Variants in STON2 observed in about 807,000 individuals in gnomAD.
The protein encoded by STON2 is stonin 2.
Under a neutral mutation model 65.7 loss-of-function variants are expected in STON2, and 29 were observed. The observed-to-expected ratio is 0.44, with a 90% CI of 0.33 to 0.60. The LOEUF (loss-of-function observed/expected upper bound fraction) is 0.60. STON2 is among the 20% of genes least tolerant of loss of function. STON2 has a pLI of 0.03. For synonymous variants in STON2, 404 were observed against 414.2 expected, an observed-to-expected ratio of 0.98 and a Z score of 0.30; for missense variants, 1,054 against 1,118.1, an observed-to-expected ratio of 0.94 and a Z score of 0.82.
chr14:81,394,679 A>T (rs1220298051), intron 3 of STON2, among the ~76,000 whole-genome samples: 1 of 152,180 alleles, frequency 6.6e-6, no homozygotes, highest in Non-Finnish European at 1.5e-5. Flanking sequence ...TGACTTCAGA[A>T]GAAAGGCACA....
chr14:81,261,682 C>A lies in STON2; in HGVS notation c.*6732G>T. ...AATATATATATACCTCATTGATTAT[C>A]CTATCATCCCCAGTACTTGGAGGGT... On this transcript the variant is annotated 3_prime_UTR_variant, in exon 8 of 8. Coordinates refer to ENST00000614646, the MANE Select transcript of STON2 (RefSeq NM_001394390.1). 1 of 1,120,232 alleles carries A rather than the reference C, an allele frequency of 8.9e-7. No homozygotes were observed. The highest frequency in any genetic ancestry group is 1.6e-5 in the African/African-American group (1 of 63,522). 69.4% of individuals were successfully genotyped at this position (1,120,232 alleles called of 1,614,324 possible). A position where few individuals can be genotyped will look rare whatever the true frequency, so the allele number is the denominator to read the frequency against.
intron 2 of STON2, among the ~76,000 whole-genome samples, chr14:81,416,223 G>C (rs553739853): frequency 6.6e-6 from 1 of 152,272 alleles, no homozygotes; most frequent in South Asian, 2.1e-4. Flanking sequence ...AATAATAAGC[G>C]CTCAGTCAAT....
chr14:81,340,095 A>C (rs1234783034), intron 4 of STON2, among the ~76,000 whole-genome samples: 1 of 152,230 alleles, frequency 6.6e-6, no homozygotes, highest in African/African-American at 2.4e-5. Context: ...TGGAGCCTGC[A>C]GTAAGCCCAG....
chr14:81,388,383 T>A (rs542946527), intron 3 of STON2, among the ~76,000 whole-genome samples: 72 of 152,320 alleles, frequency 4.7e-4, no homozygotes, highest in African/African-American at 1.7e-3. Context: ...ATTTAAGCAT[T>A]TCTGGAGTTG....
chr14:81,332,407 G>A (rs1334081833), intron 4 of STON2, among the ~76,000 whole-genome samples: 3 of 152,068 alleles, frequency 2.0e-5, no homozygotes, highest in Non-Finnish European at 2.9e-5. Flanking sequence ...CCTTTGAACC[G>A]GCAAAGAAAC....
chr14:81,280,836 C>T (rs1167667529), intron 5 of STON2, among the ~76,000 whole-genome samples: 2 of 151,872 alleles, frequency 1.3e-5, no homozygotes, highest in Non-Finnish European at 2.9e-5. Context: ...AATGGTGAAA[C>T]CCTGTCTCTA....
In STON2 at chr14:81,389,857, T is replaced by C. The variant is rs539875442; in HGVS notation, c.373+6037A>G. 1.6e-3 allele frequency among the ~76,000 whole-genome samples: 239 copies of C among 152,160 alleles called. 1 individual carries two copies. The highest frequency in any genetic ancestry group is 5.6e-3 in the African/African-American group (233 of 41,432). ...AATGAACTTCTCAGACAAGTAATTC[T>C]CCCAGCATCCACTTATTCCTTTGCT... On this transcript the variant is annotated intron_variant, in intron 3 of 7. Coordinates refer to ENST00000614646, the MANE Select transcript of STON2 (RefSeq NM_001394390.1).
rs1894303636 is a variant in STON2, at chr14:81,265,083, A to T, written c.*3331T>A. On this transcript the variant is annotated 3_prime_UTR_variant, in exon 8 of 8. Transcript: ENST00000614646. Reference sequence around the variant, plus strand: ...CAAAGATTATTTGTGACCACAAAAAAAAAAAATAAAAAGTCCAGGTCCAGG... The same window carrying T: ...CAAAGATTATTTGTGACCACAAAAATAAAAAATAAAAAGTCCAGGTCCAGG... 1 of 985,066 alleles carries T rather than the reference A, an allele frequency of 1.0e-6. No individual in the cohort carries two copies. Among genetic ancestry groups the T allele is most frequent in the Non-Finnish European group, 1.2e-6 (1 of 829,638 alleles). 61.0% of individuals were successfully genotyped at this position (985,066 alleles called of 1,614,324 possible). A position where few individuals can be genotyped will look rare whatever the true frequency, so the allele number is the denominator to read the frequency against.
chr14:81,383,117 C>G (rs965364721), intron 3 of STON2, among the ~76,000 whole-genome samples: 1 of 152,186 alleles, frequency 6.6e-6, no homozygotes, highest in African/African-American at 2.4e-5. Flanking sequence ...ATCCATCCAG[C>G]TTGAAGGAAT....
At chr14:81,315,518 A>ACAC (rs1555398745) in intron 5 of STON2, among the ~76,000 whole-genome samples, 13 of 151,976 alleles carry the variant, frequency 8.6e-5, no homozygotes, top group African/African-American at 2.7e-4. Context: ...TAGGCAGGTG[A>ACAC]CGATACTGGC....
intron 4 of STON2, among the ~76,000 whole-genome samples, chr14:81,362,073 A>G (rs1898518164): frequency 6.6e-6 from 1 of 152,126 alleles, no homozygotes; most frequent in Non-Finnish European, 1.5e-5. Flanking sequence ...ATTATGAAAA[A>G]GGTTCCTCAG....
chr14:81,370,872 C>G (rs1440284613), intron 4 of STON2, 116 bp downstream of exon 4: 1 of 935,510 alleles, frequency 1.1e-6, no homozygotes, highest in Non-Finnish European at 1.6e-6. Flanking sequence ...GATAACAACA[C>G]CTGAACTCAT....
intron 2 of STON2, among the ~76,000 whole-genome samples, chr14:81,419,084 T>C (rs1901578948): frequency 6.6e-6 from 1 of 152,206 alleles, no homozygotes. Context: ...ATTTGTTTAC[T>C]ATACTAGGAT....
intron 2 of STON2, among the ~76,000 whole-genome samples, chr14:81,413,469 CGTT>C (rs1370804155): frequency 7.1e-6 from 1 of 140,320 alleles, no homozygotes; most frequent in Non-Finnish European, 1.5e-5. Flanking sequence ...TTCTGCCTCA[CGTT>C]GTTTTCTCTC....
chr14:81,429,007 C>T (rs1211934103), intron 1 of STON2, among the ~76,000 whole-genome samples: 1 of 152,180 alleles, frequency 6.6e-6, no homozygotes, highest in Non-Finnish European at 1.5e-5. Context: ...GGTGTGTTTG[C>T]ATGGACACAC....
At chr14:81,371,958 A>G (rs901232846) in intron 3 of STON2, among the ~76,000 whole-genome samples, 1 of 152,114 alleles carries the variant, frequency 6.6e-6, no homozygotes. Flanking sequence ...ATATATGAAC[A>G]TGTATGTGGC....
intron 4 of STON2, among the ~76,000 whole-genome samples, chr14:81,354,658 CA>C (rs1026406140): frequency 6.6e-6 from 1 of 151,896 alleles, no homozygotes; most frequent in Non-Finnish European, 1.5e-5. Context: ...AGAATTTTGA[CA>C]AAAAAATAGA....
rs927674601 is a variant in STON2 at position 81,262,306 on chromosome 14, T to C, written c.*6108A>G. On this transcript the variant is annotated 3_prime_UTR_variant, in exon 8 of 8. Coordinates refer to ENST00000614646, the MANE Select transcript of STON2 (RefSeq NM_001394390.1). ...CCTATGAGTGACTTTAAATAAACAA[T>C]CCTCAATGTCCTCGTGTCTAGCCTT... 1.1e-5 allele frequency: 11 copies of C among 985,468 alleles called. No homozygotes were observed. Among genetic ancestry groups the C allele is most frequent in the Non-Finnish European group, 1.3e-5 (11 of 829,934 alleles). The allele number at this position is 985,468 out of a possible 1,614,324, so 61.0% of individuals were successfully genotyped here. A position where few individuals can be genotyped will look rare whatever the true frequency, so the allele number is the denominator to read the frequency against.
chr14:81,338,467 C>G (rs1014904950), intron 4 of STON2, among the ~76,000 whole-genome samples: 1 of 152,192 alleles, frequency 6.6e-6, no homozygotes, highest in Admixed American at 6.5e-5. Context: ...TCTCTTCTGT[C>G]TGGCTGTTAT....
Sources: gnomAD v4.1 joint callset for allele counts (sites outside exome capture counted in the v4.1 genomes callset) on GRCh38, gnomAD v4.1.1 for gene constraint, MANE v1.5 for transcripts, NCBI Gene and HGNC (gene_info 2026-07-23, HGNC 2026-07-21) for gene names.